The following ROBO1 variants were observed in gnomAD, a reference collection of about 807,000 sequenced individuals.
ROBO1 encodes the protein roundabout guidance receptor 1.
In ROBO1, 149 loss-of-function variants were observed where a neutral mutation model predicts 195.9. That is an observed-to-expected ratio of 0.76 (90% confidence interval 0.67 to 0.87). The LOEUF (loss-of-function observed/expected upper bound fraction) is 0.87. Ranked by LOEUF, ROBO1 falls within the 40% of genes least tolerant of loss-of-function variation. ROBO1 has a pLI of 0.00. For synonymous variants in ROBO1, 816 were observed against 733.2 expected, an observed-to-expected ratio of 1.11 and a Z score of -1.82; for missense variants, 1,933 against 2,068.3, an observed-to-expected ratio of 0.93 and a Z score of 1.27.
intron 1 of ROBO1, among the ~76,000 whole-genome samples, chr3:79,762,866 A>G (rs1270876472): frequency 6.6e-6 from 1 of 152,196 alleles, no homozygotes; most frequent in Non-Finnish European, 1.5e-5. Context: ...ATTGGAGGGC[A>G]GGCCCATGAG....
At chr3:78,806,150 T>A (rs935511486) in intron 4 of ROBO1, among the ~76,000 whole-genome samples, 3 of 152,094 alleles carry the variant, frequency 2.0e-5, no homozygotes, top group African/African-American at 7.2e-5. Flanking sequence ...GTTTTATTTT[T>A]TTTTTAAGAG....
At chr3:79,324,397 T>C (rs2034117781) in intron 2 of ROBO1, among the ~76,000 whole-genome samples, 1 of 152,146 alleles carries the variant, frequency 6.6e-6, no homozygotes, top group Non-Finnish European at 1.5e-5. Context: ...AATGGAATCA[T>C]CAATATATAA....
chr3:79,016,817 C>T (rs539205878), intron 3 of ROBO1, among the ~76,000 whole-genome samples: 2 of 152,278 alleles, frequency 1.3e-5, no homozygotes, highest in East Asian at 3.9e-4. Flanking sequence ...AAAGGTGAAT[C>T]AACAGAAATC....
chr3:79,060,034 A>G (rs2078886578), intron 3 of ROBO1, among the ~76,000 whole-genome samples: 1 of 151,954 alleles, frequency 6.6e-6, no homozygotes, highest in South Asian at 2.1e-4. Context: ...AGCCCTGGGA[A>G]AGGAATGCAT....
At chr3:79,025,390 T>A (rs937669740) in intron 3 of ROBO1, among the ~76,000 whole-genome samples, 2 of 152,144 alleles carry the variant, frequency 1.3e-5, no homozygotes, top group African/African-American at 4.8e-5. Context: ...TATATATTTT[T>A]TATTTTGTTG....
intron 4 of ROBO1, among the ~76,000 whole-genome samples, chr3:78,832,526 G>A (rs1438807420): frequency 6.6e-6 from 1 of 152,090 alleles, no homozygotes; most frequent in East Asian, 1.9e-4. Flanking sequence ...AACAAACTCT[G>A]TCACTCACCT....
chr3:79,341,432 C>A (rs979704752), intron 2 of ROBO1, among the ~76,000 whole-genome samples: 11 of 152,100 alleles, frequency 7.2e-5, no homozygotes, highest in Admixed American at 5.9e-4. Flanking sequence ...AGTTTGCCAT[C>A]ACATTCATTT....
chr3:78,605,348 G>T (rs1312858450), intron 29 of ROBO1, among the ~76,000 whole-genome samples: 1 of 152,116 alleles, frequency 6.6e-6, no homozygotes, highest in Non-Finnish European at 1.5e-5. Flanking sequence ...TCCTGGACTA[G>T]TGGTGTGTTG....
intron 4 of ROBO1, among the ~76,000 whole-genome samples, chr3:78,910,869 C>T (rs2038203208): frequency 6.6e-6 from 1 of 151,916 alleles, no homozygotes; most frequent in Admixed American, 6.6e-5. Context: ...TCTGAACCAG[C>T]TACATGGGCA....
At chr3:78,693,249 T>A (rs1165518558) in intron 8 of ROBO1, 1 of 1,483,572 alleles carries the variant, frequency 6.7e-7, no homozygotes, top group African/African-American at 1.4e-5. Flanking sequence ...GGAGGCTGAT[T>A]GGTTGAAGGA....
chr3:79,468,673 A>G (rs1435725187), intron 2 of ROBO1, among the ~76,000 whole-genome samples: 1 of 152,142 alleles, frequency 6.6e-6, no homozygotes, highest in Non-Finnish European at 1.5e-5. Flanking sequence ...CATATACTGT[A>G]TGAAGCAATC....
chr3:79,281,499 A>C (rs1411260676), intron 2 of ROBO1, among the ~76,000 whole-genome samples: 1 of 152,190 alleles, frequency 6.6e-6, no homozygotes, highest in Non-Finnish European at 1.5e-5. Context: ...AAAAATGTTA[A>C]GCTTGAAAAG....
At chr3:78,677,338 G>T (rs1708499520) in intron 10 of ROBO1, among the ~76,000 whole-genome samples, 2 of 152,270 alleles carry the variant, frequency 1.3e-5, no homozygotes, top group South Asian at 4.1e-4. Context: ...AACTTTAAAT[G>T]TAAATGGACT....
chr3:79,248,662 C>T (rs763834581), intron 2 of ROBO1, among the ~76,000 whole-genome samples: 8 of 152,132 alleles, frequency 5.3e-5, no homozygotes, highest in African/African-American at 1.2e-4. Flanking sequence ...AGCAGAGAGA[C>T]GAGTTAAGCT....
chr3:79,300,380 G>A lies in ROBO1; in HGVS notation c.89-174841C>T, dbSNP rs543026256. 1.1e-3 allele frequency among the ~76,000 whole-genome samples: 175 copies of A among 152,344 alleles called. 3 individuals are homozygous for A. The highest frequency in any genetic ancestry group is 9.7e-3 in the Admixed American group (149 of 15,310). Reference sequence around the variant, plus strand: ...GCACCCAGGCCAGCAGCTGCGGAGCGTGTACTGGGTCCCCCAGCAGTGCCG... The same window carrying A: ...GCACCCAGGCCAGCAGCTGCGGAGCATGTACTGGGTCCCCCAGCAGTGCCG... On this transcript the variant is annotated intron_variant, in intron 2 of 30. Coordinates refer to ENST00000464233, the MANE Select transcript of ROBO1 (RefSeq NM_002941.4).
At chr3:79,582,213 A>C (rs139281284) in intron 2 of ROBO1, among the ~76,000 whole-genome samples, 120 of 151,808 alleles carry the variant, frequency 7.9e-4, no homozygotes, top group African/African-American at 2.7e-3. Flanking sequence ...TATGATATTT[A>C]TATTCTGTTA....
At chr3:79,744,615 A>G (rs765240653) in intron 1 of ROBO1, among the ~76,000 whole-genome samples, 1 of 152,122 alleles carries the variant, frequency 6.6e-6, no homozygotes, top group Non-Finnish European at 1.5e-5. Context: ...CCCTGATCTC[A>G]AAGTTCTCAG....
At chr3:79,356,447 TG>T (rs201250817) in intron 2 of ROBO1, among the ~76,000 whole-genome samples, 1,692 of 152,348 alleles carry the variant, frequency 0.011, 14 homozygotes, top group Middle Eastern at 0.034. Context: ...GTTATAGTAT[TG>T]TAAGGCACAA....
chr3:78,972,207 A>G (rs1187669797), intron 3 of ROBO1, among the ~76,000 whole-genome samples: 1 of 152,212 alleles, frequency 6.6e-6, no homozygotes. Flanking sequence ...AATTCCTTTT[A>G]CTTCTTGCAT....
Sources: gnomAD v4.1 joint callset for allele counts (sites outside exome capture counted in the v4.1 genomes callset) on GRCh38, gnomAD v4.1.1 for gene constraint, MANE v1.5 for transcripts, NCBI Gene and HGNC (gene_info 2026-07-23, HGNC 2026-07-21) for gene names.